PLXNC1: variants seen among roughly 807,000 people sequenced by gnomAD.
PLXNC1 encodes the protein plexin-C1.
Under a neutral mutation model 178.2 loss-of-function variants are expected in PLXNC1, and 75 were observed. The ratio of observed to expected loss-of-function variants is 0.42; its 90% CI spans 0.35 to 0.51. PLXNC1 has a LOEUF of 0.51. Among genes scored for constraint, PLXNC1 ranks in the 20% least tolerant of loss-of-function variants. PLXNC1 has a pLI of 0.02. For missense variants in PLXNC1, 1,503 were observed against 1,984.4 expected (o/e 0.76, Z 4.61); for synonymous variants, 790 against 779.9 (o/e 1.01, Z -0.22).
At position 94,149,815 on chromosome 12, in the gene PLXNC1, G is replaced by A; in HGVS notation, c.844G>A (p.Asp282Asn). ...EVLFQGQASLDCGHGHPDGRR... is the reference protein window; with the variant it reads ...EVLFQGQASLNCGHGHPDGRR... The stretch of plus-strand genomic sequence containing the variant: ...GCTGTTCCAGGGCCAGGCATCCCTC[G>A]ACTGCGGCCACGGCCACCCCGACGG... Residue 282 changes from aspartate to asparagine, a missense_variant, in exon 1 of 31, where the codon GAC becomes AAC. Coordinates refer to ENST00000258526, the MANE Select transcript of PLXNC1 (RefSeq NM_005761.3). 2 of 1,602,578 alleles carry A rather than the reference G, an allele frequency of 1.2e-6. No homozygotes were observed. The highest frequency in any genetic ancestry group is 1.7e-6 in the Non-Finnish European group (2 of 1,176,074).
At chr12:94,205,802 C>A (rs1418146746) in intron 4 of PLXNC1, among the ~76,000 whole-genome samples, 1 of 152,224 alleles carries the variant, frequency 6.6e-6, no homozygotes, top group African/African-American at 2.4e-5. Context: ...CTCATCCTGG[C>A]CCAGCTCCAC....
intron 17 of PLXNC1, among the ~76,000 whole-genome samples, chr12:94,257,413 G>A (rs1383200075): frequency 6.6e-6 from 1 of 152,192 alleles, no homozygotes; most frequent in Non-Finnish European, 1.5e-5. Flanking sequence ...AGAAATAAGG[G>A]TAGGCAGAGG....
intron 1 of PLXNC1, among the ~76,000 whole-genome samples, chr12:94,165,665 A>G (rs1293756276): frequency 6.7e-6 from 1 of 149,646 alleles, no homozygotes; most frequent in East Asian, 1.9e-4. Context: ...AACGCAACCA[A>G]CAGTGGCTTA....
chr12:94,243,851 C>T, intron 11 of PLXNC1, 87 bp from the exon 12 acceptor site: 1 of 603,802 alleles, frequency 1.7e-6, no homozygotes. Context: ...TAATATTAAA[C>T]ATGAATAAAT....
intron 21 of PLXNC1, among the ~76,000 whole-genome samples, chr12:94,278,875 G>A (rs1466444332): frequency 2.0e-5 from 3 of 152,132 alleles, no homozygotes; most frequent in Non-Finnish European, 2.9e-5. Flanking sequence ...GCATGTGCCT[G>A]TAATCCCAGC....
intron 21 of PLXNC1, among the ~76,000 whole-genome samples, chr12:94,270,313 T>G (rs975226671): frequency 1.3e-5 from 2 of 152,228 alleles, no homozygotes; most frequent in Admixed American, 6.5e-5. Flanking sequence ...CCTTATTGTC[T>G]ATAGCTGCTT....
intron 4 of PLXNC1, among the ~76,000 whole-genome samples, chr12:94,198,302 T>G (rs1962994103): frequency 6.6e-6 from 1 of 152,160 alleles, no homozygotes; most frequent in African/African-American, 2.4e-5. Flanking sequence ...AAATACCGCA[T>G]GTTCTCACTT....
At chr12:94,189,965 A>G (rs1962663688) in intron 4 of PLXNC1, among the ~76,000 whole-genome samples, 1 of 152,120 alleles carries the variant, frequency 6.6e-6, no homozygotes, top group Non-Finnish European at 1.5e-5. Context: ...TAATGATCAC[A>G]ATGAGGAGGG....
At chr12:94,244,224 C>T (rs1964468745) in intron 12 of PLXNC1, among the ~76,000 whole-genome samples, 199 bp downstream of exon 12, 1 of 152,114 alleles carries the variant, frequency 6.6e-6, no homozygotes, top group Non-Finnish European at 1.5e-5. Context: ...CTAGTTGCAG[C>T]AATGAGGAAA....
intron 3 of PLXNC1, among the ~76,000 whole-genome samples, chr12:94,185,765 G>A (rs1962486255): frequency 6.6e-6 from 1 of 152,224 alleles, no homozygotes. Context: ...CACATTGAGT[G>A]CCAAACTCCT....
intron 16 of PLXNC1, 50 bp downstream of exon 16, chr12:94,254,938 C>G: frequency 1.4e-6 from 2 of 1,424,024 alleles, no homozygotes; most frequent in South Asian, 2.5e-5. Context: ...TATATTTATA[C>G]TTTTATTTTT....
At chr12:94,243,642 C>T (rs1296946339) in intron 11 of PLXNC1, among the ~76,000 whole-genome samples, 5 of 152,064 alleles carry the variant, frequency 3.3e-5, no homozygotes, top group African/African-American at 7.2e-5. Flanking sequence ...TTATATGTGG[C>T]GATATGACAC....
intron 21 of PLXNC1, among the ~76,000 whole-genome samples, chr12:94,276,051 A>G (rs995167069): frequency 6.6e-6 from 1 of 152,154 alleles, no homozygotes; most frequent in Admixed American, 6.5e-5. Flanking sequence ...TTTTACATCC[A>G]GTTAAGGGTG....
chr12:94,250,327 G>A (rs144481593), intron 14 of PLXNC1, among the ~76,000 whole-genome samples: 10 of 152,272 alleles, frequency 6.6e-5, no homozygotes, highest in African/African-American at 1.7e-4. Context: ...TTCAGATGAC[G>A]TCATGAATTT....
chr12:94,270,662 T>C (rs1413781885), intron 21 of PLXNC1, among the ~76,000 whole-genome samples: 2 of 150,572 alleles, frequency 1.3e-5, no homozygotes, highest in Non-Finnish European at 3.0e-5. Context: ...ATCAGACAGC[T>C]CTTCATACTT....
In PLXNC1 at chr12:94,284,107, A is replaced by G. The variant is rs1016304820; in HGVS notation, c.3879+1706A>G. On this transcript the variant is annotated intron_variant, in intron 23 of 30. Coordinates refer to ENST00000258526, the MANE Select transcript of PLXNC1 (RefSeq NM_005761.3). ...CAGGGGAAAAAAAAAAAAAAAAAAA[A>G]AGCAGGGTTTGCAAAATATCTCAAG... 3.0e-4 allele frequency among the ~76,000 whole-genome samples: 46 copies of G among 151,776 alleles called. 1 individual carries two copies. Among genetic ancestry groups the G allele is most frequent in the African/African-American group, 8.9e-4 (37 of 41,410 alleles).
intron 4 of PLXNC1, among the ~76,000 whole-genome samples, chr12:94,200,583 G>A (rs1963084066): frequency 6.6e-6 from 1 of 150,776 alleles, no homozygotes; most frequent in Non-Finnish European, 1.5e-5. Context: ...AGAAACTGAG[G>A]CCCACAGAGG....
At chr12:94,271,973 A>C (rs1965597573) in intron 21 of PLXNC1, among the ~76,000 whole-genome samples, 1 of 152,150 alleles carries the variant, frequency 6.6e-6, no homozygotes, top group African/African-American at 2.4e-5. Flanking sequence ...GGGTGTTTAC[A>C]ACCTGTGGCA....
chr12:94,246,182 A>G (rs1449491564), intron 12 of PLXNC1, among the ~76,000 whole-genome samples: 1 of 152,208 alleles, frequency 6.6e-6, no homozygotes, highest in African/African-American at 2.4e-5. Context: ...AACCTCCTGC[A>G]GGGCGGTTAT....
Sources: allele counts gnomAD v4.1 joint callset (sites outside exome capture counted in the v4.1 genomes callset), GRCh38; gene constraint gnomAD v4.1.1; transcripts MANE v1.5; gene names NCBI Gene and HGNC (gene_info 2026-07-23, HGNC 2026-07-21).